The following KIF18A variants were observed in gnomAD, a reference collection of about 807,000 sequenced individuals.
The protein encoded by KIF18A is kinesin-like protein KIF18A.
In KIF18A, 67 loss-of-function variants were observed where a neutral mutation model predicts 103.3. The observed-to-expected ratio is 0.65, with a 90% CI of 0.53 to 0.79. KIF18A has a LOEUF of 0.79. Ranked by LOEUF, KIF18A falls within the 30% of genes least tolerant of loss-of-function variation. KIF18A has a pLI of 0.00. For missense variants in KIF18A, 1,032 were observed against 1,062.5 expected (o/e 0.97, Z 0.40); for synonymous variants, 367 against 355.5 (o/e 1.03, Z -0.36).
intron 1 of KIF18A, among the ~76,000 whole-genome samples, chr11:28,099,350 G>A (rs1348536944): frequency 6.6e-6 from 1 of 151,952 alleles, no homozygotes; most frequent in African/African-American, 2.4e-5. Flanking sequence ...TGGTAAAAGG[G>A]GAAATGTTGG....
intron 15 of KIF18A, among the ~76,000 whole-genome samples, chr11:28,031,967 G>A (rs1031189709): frequency 5.3e-5 from 8 of 151,788 alleles, no homozygotes; most frequent in Admixed American, 5.3e-4. Flanking sequence ...CAGATGACAT[G>A]ATCTTATCAT....
intron 15 of KIF18A, among the ~76,000 whole-genome samples, chr11:28,024,650 T>G (rs1850290553): frequency 6.6e-6 from 1 of 152,040 alleles, no homozygotes; most frequent in Non-Finnish European, 1.5e-5. Flanking sequence ...TTCTTGAGTG[T>G]AGAGTAAGAA....
intron 16 of KIF18A, among the ~76,000 whole-genome samples, chr11:28,021,800 G>C (rs968530045): frequency 2.0e-5 from 3 of 151,954 alleles, no homozygotes; most frequent in Non-Finnish European, 4.4e-5. Flanking sequence ...CCATTCTTCT[G>C]GTTCTTCATT....
chr11:28,069,244 C>T lies in KIF18A; in HGVS notation c.1590+15G>A. 6.2e-7 allele frequency: 1 copy of T among 1,600,446 alleles called. No individual in the cohort carries two copies. The highest frequency in any genetic ancestry group is 2.2e-5 in the East Asian group (1 of 44,740). On this transcript the variant is annotated intron_variant, in intron 11 of 16. Transcript: ENST00000263181. ...TTCCTACAAATTAAATCTGAACATA[C>T]AGAGATATTTGTACCTTTGGAATAT...
At chr11:28,042,208 G>A (rs1850569165) in intron 13 of KIF18A, among the ~76,000 whole-genome samples, 1 of 151,810 alleles carries the variant, frequency 6.6e-6, no homozygotes, top group Non-Finnish European at 1.5e-5. Context: ...AACAGTCCTA[G>A]AACAAAAGTA....
rs750881177 is a variant in KIF18A at position 28,069,240 on chromosome 11, C to G, written c.1590+19G>C. ...TCAGTTCCTACAAATTAAATCTGAA[C>G]ATACAGAGATATTTGTACCTTTGGA... On this transcript the variant is annotated intron_variant, in intron 11 of 16. Transcript: ENST00000263181. 3 of 1,595,868 alleles carry G rather than the reference C, an allele frequency of 1.9e-6. No individual in the cohort carries two copies. Among genetic ancestry groups the G allele is most frequent in the Admixed American group, 3.3e-5 (2 of 59,834 alleles).
chr11:28,099,470 C>CA (rs1851419325), intron 1 of KIF18A, among the ~76,000 whole-genome samples: 2 of 151,810 alleles, frequency 1.3e-5, no homozygotes, highest in Non-Finnish European at 2.9e-5. Flanking sequence ...GTTCTCACAA[C>CA]AAAAAAATGG....
In KIF18A at chr11:28,040,714, C is replaced by T. The variant is rs550231912; in HGVS notation, c.1949-4050G>A. On this transcript the variant is annotated intron_variant, in intron 13 of 16. Transcript: ENST00000263181. ...ACTTGGGAAGACATATCTCTAGGGT[C>T]TATCTAAGGAACTAGTCCAGTGTAT... Among the ~76,000 whole-genome samples, 6 of 151,766 alleles carry T rather than the reference C, an allele frequency of 4.0e-5. No homozygotes were observed. In the South Asian group the frequency reaches 1.0e-3, roughly 26 times the overall value.
chr11:28,062,363 A>C (rs1590687745), intron 12 of KIF18A, 32 bp downstream of exon 12: 1 of 1,557,882 alleles, frequency 6.4e-7, no homozygotes, highest in East Asian at 2.3e-5. Context: ...TATAGTGTTA[A>C]AATTGGAAAA....
intron 3 of KIF18A, among the ~76,000 whole-genome samples, chr11:28,094,284 T>G (rs1040706860): frequency 6.6e-6 from 1 of 152,200 alleles, no homozygotes; most frequent in African/African-American, 2.4e-5. Flanking sequence ...TTTTGGTACC[T>G]ATTTAGCAGT....
chr11:28,082,151 C>T (rs1318274115), intron 9 of KIF18A, among the ~76,000 whole-genome samples: 1 of 152,100 alleles, frequency 6.6e-6, no homozygotes, highest in African/African-American at 2.4e-5. Flanking sequence ...TATAAAGATG[C>T]TATCTACGTT....
At chr11:28,103,178 A>G (rs1479180168) in intron 1 of KIF18A, among the ~76,000 whole-genome samples, 1 of 152,176 alleles carries the variant, frequency 6.6e-6, no homozygotes, top group East Asian at 1.9e-4. Context: ...TATTCATTAT[A>G]ATCAGGTTGA....
At chr11:28,107,332 C>A (rs2133574872) in intron 1 of KIF18A, among the ~76,000 whole-genome samples, 1 of 151,788 alleles carries the variant, frequency 6.6e-6, no homozygotes, top group Non-Finnish European at 1.5e-5. Flanking sequence ...TAATAAACAG[C>A]AGTCAGTCTT....
At chr11:28,022,301 G>C (rs1329689372) in intron 16 of KIF18A, among the ~76,000 whole-genome samples, 1 of 150,544 alleles carries the variant, frequency 6.6e-6, no homozygotes, top group Non-Finnish European at 1.5e-5. Flanking sequence ...GTTTTGCTCA[G>C]TCGCCCAGGC....
At chr11:28,031,863 A>G (rs1850414588) in intron 15 of KIF18A, among the ~76,000 whole-genome samples, 1 of 151,900 alleles carries the variant, frequency 6.6e-6, no homozygotes, top group Non-Finnish European at 1.5e-5. Flanking sequence ...TTAACATATT[A>G]CTGGAAGTCC....
At chr11:28,030,472 A>G (rs1413917760) in intron 15 of KIF18A, among the ~76,000 whole-genome samples, 4 of 152,172 alleles carry the variant, frequency 2.6e-5, no homozygotes, top group South Asian at 4.1e-4. Context: ...AAAACTGGCT[A>G]GCCATATGTA....
chr11:28,028,860 C>T (rs575067934), intron 15 of KIF18A, among the ~76,000 whole-genome samples: 1 of 152,078 alleles, frequency 6.6e-6, no homozygotes, highest in South Asian at 2.1e-4. Context: ...ACCACCGATC[C>T]CACAGAAATA....
chr11:28,051,031 T>C (rs1278775712), intron 13 of KIF18A, among the ~76,000 whole-genome samples: 3 of 151,844 alleles, frequency 2.0e-5, no homozygotes, highest in African/African-American at 7.2e-5. Context: ...ATCTATTCAG[T>C]CAAATTTATA....
intron 8 of KIF18A, 27 bp from the exon 9 acceptor site, chr11:28,082,995 A>G (rs200163447): frequency 6.7e-7 from 1 of 1,495,004 alleles, no homozygotes; most frequent in African/African-American, 1.4e-5. Flanking sequence ...ACTAGTTAAA[A>G]TACAAAAGAA....
Sources: gnomAD v4.1 joint callset for allele counts (sites outside exome capture counted in the v4.1 genomes callset) on GRCh38, gnomAD v4.1.1 for gene constraint, MANE v1.5 for transcripts, NCBI Gene and HGNC (gene_info 2026-07-23, HGNC 2026-07-21) for gene names.